Variants in PPEF2 observed in about 807,000 individuals in gnomAD.
The protein encoded by PPEF2 is protein phosphatase with EF-hand domain 2.
Under a neutral mutation model 84.7 loss-of-function variants are expected in PPEF2, and 84 were observed. The ratio of observed to expected loss-of-function variants is 0.99; its 90% confidence interval spans 0.83 to 1.19. The LOEUF is 1.19. Among genes scored for constraint, PPEF2 ranks in the 50% most tolerant of loss-of-function variants. The pLI is 0.00. For missense variants in PPEF2, 924 were observed against 937.5 expected (o/e 0.99, Z 0.19); for synonymous variants, 346 against 345.2 (o/e 1.00, Z -0.03).
rs763200446 is a variant in PPEF2, at chr4:75,883,066, T to C, written c.793A>G (p.Lys265Glu). 1.2e-6 allele frequency: 2 copies of C among 1,613,936 alleles called. No homozygotes were observed. Among genetic ancestry groups the C allele is most frequent in the East Asian group, 2.2e-5 (1 of 44,878 alleles). ...TCTTGCAGGGTTCTTAGTATTTCCTTCCCGTGTACCTGGAAAAAATGATAT... is the reference window on the plus strand; with the variant it reads ...TCTTGCAGGGTTCTTAGTATTTCCTCCCCGTGTACCTGGAAAAAATGATAT... ...EVMNKYKVHG[K>E]EILRTLQDVF... Residue 265 changes from lysine (K) to glutamate (E), a missense_variant, in exon 10 of 17, where the codon AAG (lysine) becomes GAG (glutamate). Physicochemically the swap from Lys to Glu is moderately conservative, Grantham distance 56 (BLOSUM62 1). Transcript: ENST00000286719.
chr4:75,897,814 TCG>T (rs1198233902), intron 1 of PPEF2, among the ~76,000 whole-genome samples: 4 of 151,990 alleles, frequency 2.6e-5, no homozygotes, highest in Non-Finnish European at 4.4e-5. Context: ...CCCAAAAGCC[TCG>T]TCTGCCGAGA....
At chr4:75,898,177 G>A (rs1478256108) in intron 1 of PPEF2, among the ~76,000 whole-genome samples, 1 of 152,200 alleles carries the variant, frequency 6.6e-6, no homozygotes, top group Non-Finnish European at 1.5e-5. Context: ...GCCCTGGGCG[G>A]GCCAGATGTT....
At chr4:75,870,108 T>C (rs1398360045) in intron 13 of PPEF2, among the ~76,000 whole-genome samples, 2 of 152,148 alleles carry the variant, frequency 1.3e-5, no homozygotes, top group African/African-American at 2.4e-5. Context: ...CTATTCACTG[T>C]AGGGAATCCT....
At position 75,891,934 on chromosome 4, in the gene PPEF2, C is replaced by T. The variant is rs550740753; in HGVS notation, c.100G>A (p.Val34Met). The T allele has an allele frequency of 2.9e-5, 47 of 1,614,008 alleles. 1 individual carries two copies. In the East Asian group the frequency reaches 4.2e-4, roughly 15 times the overall value. Reference sequence around the variant, plus strand: ...CGCCGCCTCATCTCCAGGCGGGCCACGTAGCGCCGGTACCATCTCTGGATC... The same window carrying T: ...CGCCGCCTCATCTCCAGGCGGGCCATGTAGCGCCGGTACCATCTCTGGATC... The part of the protein sequence containing the change: ...ALIQRWYRRY[V>M]ARLEMRRRCT... Residue 34 changes from valine to methionine, a missense_variant, in exon 3 of 17, where the codon GTG (valine) becomes ATG (methionine). Val to Met is a conservative substitution (Grantham distance 21, BLOSUM62 1). Transcript: ENST00000286719.
chr4:75,898,221 C>T (rs1349644056), intron 1 of PPEF2, among the ~76,000 whole-genome samples: 1 of 152,250 alleles, frequency 6.6e-6, no homozygotes, highest in Non-Finnish European at 1.5e-5. Context: ...CACCACCTTC[C>T]AGCATGGGCG....
intron 1 of PPEF2, among the ~76,000 whole-genome samples, chr4:75,898,176 G>C (rs1046533024): frequency 6.6e-6 from 1 of 152,212 alleles, no homozygotes; most frequent in Non-Finnish European, 1.5e-5. Context: ...TGCCCTGGGC[G>C]GGCCAGATGT....
At chr4:75,864,641 T>C (rs1343565596) in intron 15 of PPEF2, 114 bp from the exon 16 acceptor site, 1 of 825,334 alleles carries the variant, frequency 1.2e-6, no homozygotes, top group Non-Finnish European at 2.0e-6. Context: ...CCTGAAAATA[T>C]TTTGCCATCC....
intron 2 of PPEF2, among the ~76,000 whole-genome samples, chr4:75,894,281 T>C (rs1294577245): frequency 6.6e-6 from 1 of 152,156 alleles, no homozygotes; most frequent in Non-Finnish European, 1.5e-5. Flanking sequence ...AAATGATGCC[T>C]CTAGGAAGAA....
chr4:75,866,234 G>T lies in PPEF2; in HGVS notation c.1875C>A (p.Tyr625Ter). 1.2e-6 allele frequency: 2 copies of T among 1,614,050 alleles called. No homozygotes were observed. The highest frequency in any genetic ancestry group is 1.7e-6 in the Non-Finnish European group (2 of 1,180,010). Residue 625 changes from tyrosine to a stop codon, truncating the protein, a stop_gained, in exon 15 of 17, where the codon TAC becomes TAA. Transcript: ENST00000286719. LOFTEE classifies it high-confidence loss of function. The part of the protein sequence containing the change: ...VNSSADNMLE[Y>*]KSWLKNLAKE... ...TGGCCAAGTTCTTCAGCCAAGACTT[G>T]TACTCCAGCATGTTGTCTGCTGAGC... is the stretch of plus-strand genomic sequence containing the variant.
In PPEF2 at chr4:75,884,656, C is replaced by A. The variant is rs368180001; in HGVS notation, c.684G>T (p.Leu228=). ...EILMILFAFM[L]VYPKEFHLNR... The stretch of plus-strand genomic sequence containing the variant: ...TAAGATGGAACTCTTTGGGGTAAAC[C>A]AGCATGAAGGCAAAAAGAATCATCA... Residue 228 remains leucine (L), a synonymous_variant, in exon 8 of 17, where the codon CTG becomes CTT. Coordinates refer to ENST00000286719, the MANE Select transcript of PPEF2 (RefSeq NM_006239.3). The A allele has an allele frequency of 6.2e-7, 1 of 1,613,652 alleles. No homozygotes were observed. Among genetic ancestry groups the A allele is most frequent in the African/African-American group, 1.3e-5 (1 of 74,886 alleles).
chr4:75,900,061 T>C (rs1560490859), intron 1 of PPEF2, among the ~76,000 whole-genome samples: 1 of 152,228 alleles, frequency 6.6e-6, no homozygotes, highest in Non-Finnish European at 1.5e-5. Context: ...AAAACCTCAA[T>C]ATATGTTGAT....
At chr4:75,894,314 T>C (rs1408913696) in intron 2 of PPEF2, among the ~76,000 whole-genome samples, 3 of 152,168 alleles carry the variant, frequency 2.0e-5, no homozygotes, top group Non-Finnish European at 4.4e-5. Context: ...AATGGAAGTA[T>C]AAGCTTGCCA....
At chr4:75,874,301 G>T (rs966977883) in intron 11 of PPEF2, among the ~76,000 whole-genome samples, 6 of 142,082 alleles carry the variant, frequency 4.2e-5, no homozygotes, top group Non-Finnish European at 6.2e-5. Context: ...CTTTTCTTTT[G>T]TTTTTTTTTT....
intron 10 of PPEF2, among the ~76,000 whole-genome samples, chr4:75,877,328 A>G (rs1724452341): frequency 6.6e-6 from 1 of 151,614 alleles, no homozygotes; most frequent in African/African-American, 2.4e-5. Context: ...CAAGAGTGAA[A>G]CTCCATCTCA....
At position 75,876,323 on chromosome 4, in the gene PPEF2, T is replaced by A; in HGVS notation, c.1284A>T (p.Gly428=). 1 of 1,612,668 alleles carries A rather than the reference T, an allele frequency of 6.2e-7. No homozygotes were observed. The highest frequency in any genetic ancestry group is 1.1e-5 in the South Asian group (1 of 90,882). The stretch of plus-strand genomic sequence containing the variant: ...CCTCCTGAGTGGGCTTCCGCAGCTC[T>A]CCGGCTTCAGAGTCTGCTTCTGAGG... ...RSASEADSEA[G]ELRKPTQEEW... Residue 428 remains glycine, a synonymous_variant, in exon 11 of 17, where the codon GGA becomes GGT. Coordinates refer to ENST00000286719, the MANE Select transcript of PPEF2 (RefSeq NM_006239.3).
intron 16 of PPEF2, among the ~76,000 whole-genome samples, chr4:75,862,463 A>C (rs1178947260): frequency 6.6e-6 from 1 of 152,168 alleles, no homozygotes; most frequent in African/African-American, 2.4e-5. Context: ...TAAAAAGACA[A>C]ATAGCCCAAT....
At chr4:75,862,694 G>T (rs1205324230) in intron 16 of PPEF2, among the ~76,000 whole-genome samples, 3 of 152,288 alleles carry the variant, frequency 2.0e-5, no homozygotes, top group African/African-American at 7.2e-5. Context: ...CTCATACATT[G>T]TTGGTGGCAA....
intron 1 of PPEF2, among the ~76,000 whole-genome samples, chr4:75,901,280 CT>C (rs1222072110): frequency 6.6e-6 from 1 of 152,124 alleles, no homozygotes. Flanking sequence ...CTTTGGGAGG[CT>C]GAGGCGGTTG....
chr4:75,872,237 G>T, intron 12 of PPEF2, 70 bp from the exon 13 acceptor site: 1 of 1,436,240 alleles, frequency 7.0e-7, no homozygotes, highest in Non-Finnish European at 9.4e-7. Context: ...ATCCTATGTG[G>T]CCCAACTCAA....
Sources: gnomAD v4.1 joint callset for allele counts (sites outside exome capture counted in the v4.1 genomes callset) on GRCh38, gnomAD v4.1.1 for gene constraint, MANE v1.5 for transcripts, NCBI Gene and HGNC (gene_info 2026-07-23, HGNC 2026-07-21) for gene names.